Variants in PON2 observed in about 807,000 individuals in gnomAD.
PON2 encodes serum paraoxonase/arylesterase 2.
PON2 carries 27 observed loss-of-function variants against 36.6 expected under a neutral mutation model. That is an observed-to-expected ratio of 0.74 (90% confidence interval 0.54 to 1.02). The LOEUF is 1.02. Ranked by LOEUF, PON2 falls within the 50% of genes least tolerant of loss-of-function variation. The pLI, the probability that PON2 is intolerant of heterozygous loss-of-function variation, is 0.00. For missense variants in PON2, 363 were observed against 421.1 expected (o/e 0.86, Z 1.21); for synonymous variants, 149 against 156.3 (o/e 0.95, Z 0.35).
In PON2 at chr7:95,416,240, A is replaced by G; in HGVS notation, c.201+2T>C. The G allele has an allele frequency of 6.2e-7, 1 of 1,611,908 alleles. No homozygotes were observed. Among genetic ancestry groups the G allele is most frequent in the Middle Eastern group, 1.7e-4 (1 of 6,058 alleles). On this transcript the variant is annotated splice_donor_variant, in intron 3 of 8. Coordinates refer to ENST00000222572, the MANE Select transcript of PON2 (RefSeq NM_000305.3). LOFTEE classifies it high-confidence loss of function. ...AATTTGGGGAAGGAAGAAGACACTC[A>G]CCACACTAAAAAAAGCCAGACCATT...
intron 3 of PON2, 122 bp from the exon 4 acceptor site, chr7:95,412,599 A>T: frequency 1.0e-6 from 1 of 954,512 alleles, no homozygotes; most frequent in Non-Finnish European, 1.6e-6. Flanking sequence ...AAGCCACAAA[A>T]ACTCAAAAAA....
chr7:95,406,079 A>T, intron 8 of PON2, 40 bp downstream of exon 8: 2 of 1,582,186 alleles, frequency 1.3e-6, no homozygotes, highest in African/African-American at 1.3e-5. Context: ...GTTCAAAAGG[A>T]CTTGAATAAT....
chr7:95,416,414 A>G (rs1789063481), intron 2 of PON2, 117 bp from the exon 3 acceptor site: 3 of 1,200,200 alleles, frequency 2.5e-6, no homozygotes, highest in Non-Finnish European at 3.6e-6. Flanking sequence ...GATGGTTCTG[A>G]TGTTTTTTCC....
chr7:95,418,140 G>A (rs1203788706), intron 2 of PON2: 1 of 152,158 alleles, frequency 6.6e-6, no homozygotes, highest in Non-Finnish European at 1.5e-5. Context: ...CTGCAGGAAG[G>A]TTTTATCATC....
intron 1 of PON2, among the ~76,000 whole-genome samples, chr7:95,431,585 A>C (rs964438080): frequency 2.0e-5 from 3 of 151,966 alleles, no homozygotes; most frequent in Admixed American, 6.6e-5. Flanking sequence ...ACACCTGGCT[A>C]ATTTTTGTAT....
chr7:95,422,543 G>A (rs577548787), intron 2 of PON2, among the ~76,000 whole-genome samples: 1 of 152,238 alleles, frequency 6.6e-6, no homozygotes, highest in South Asian at 2.1e-4. Context: ...CTAGTATTAA[G>A]TACAAAAAGC....
intron 1 of PON2, among the ~76,000 whole-genome samples, chr7:95,427,159 T>TA (rs1253764151): frequency 1.3e-5 from 2 of 152,208 alleles, no homozygotes; most frequent in African/African-American, 4.8e-5. Context: ...TCCTTTTTGA[T>TA]AAAAGAAAAT....
chr7:95,429,183 C>G (rs541791333), intron 1 of PON2, among the ~76,000 whole-genome samples: 52 of 150,836 alleles, frequency 3.4e-4, no homozygotes, highest in African/African-American at 1.1e-3. Context: ...TCCCTCCCCC[C>G]TCCCCCTACC....
Position 95,411,881 on chromosome 7 carries a change from A to G in PON2, c.368-102T>C, listed in dbSNP as rs574569125. Reference sequence around the variant, plus strand: ...CCACAGGCAAGGAAAGGTTGAATGTATAAGCTGTTAGACGACCTAACAGAT... The same window carrying G: ...CCACAGGCAAGGAAAGGTTGAATGTGTAAGCTGTTAGACGACCTAACAGAT... On this transcript the variant is annotated intron_variant, in intron 4 of 8. Coordinates refer to ENST00000222572, the MANE Select transcript of PON2 (RefSeq NM_000305.3). 21 of 1,267,470 alleles carry G rather than the reference A, an allele frequency of 1.7e-5. No individual in the cohort carries two copies. In the East Asian group the frequency reaches 4.2e-4, roughly 26 times the overall value. 78.5% of individuals were successfully genotyped at this position (1,267,470 alleles called of 1,614,324 possible). A position where few individuals can be genotyped will look rare whatever the true frequency, so the allele number is the denominator to read the frequency against.
chr7:95,411,550 A>C, intron 5 of PON2, 103 bp downstream of exon 5: 646 of 1,205,210 alleles, frequency 5.4e-4, no homozygotes, highest in Non-Finnish European at 6.9e-4. Flanking sequence ...CATATTAGCT[A>C]ATATATACAT....
chr7:95,405,509 A>C (rs9641164), intron 8 of PON2, 21 bp from the exon 9 acceptor site: 1 of 1,605,858 alleles, frequency 6.2e-7, no homozygotes, highest in Non-Finnish European at 8.5e-7. Context: ...GATACAAAGT[A>C]TGAATATAAG....
At chr7:95,431,858 TC>T (rs1457161086) in intron 1 of PON2, among the ~76,000 whole-genome samples, 1 of 151,818 alleles carries the variant, frequency 6.6e-6, no homozygotes, top group Non-Finnish European at 1.5e-5. Context: ...TATAATTATG[TC>T]CCAAATTCCA....
intron 7 of PON2, 112 bp from the exon 8 acceptor site, chr7:95,406,359 T>C: frequency 8.3e-7 from 1 of 1,200,300 alleles, no homozygotes; most frequent in Non-Finnish European, 1.2e-6. Context: ...TCGCCCTGCT[T>C]CCACCTTCTA....
intron 2 of PON2, among the ~76,000 whole-genome samples, chr7:95,422,623 A>G (rs1240920425): frequency 2.0e-5 from 3 of 152,256 alleles, no homozygotes; most frequent in Non-Finnish European, 1.5e-5. Flanking sequence ...GAGTATTCAT[A>G]AAAAGAAAAA....
At chr7:95,406,705 T>C (rs1809705342) in intron 7 of PON2, among the ~76,000 whole-genome samples, 1 of 152,210 alleles carries the variant, frequency 6.6e-6, no homozygotes, top group South Asian at 2.1e-4. Flanking sequence ...GTATTTTCAA[T>C]TGTGAAAATT....
At chr7:95,430,117 A>C (rs957829922) in intron 1 of PON2, among the ~76,000 whole-genome samples, 5 of 152,210 alleles carry the variant, frequency 3.3e-5, no homozygotes, top group African/African-American at 1.2e-4. Flanking sequence ...ATGAAGGCAT[A>C]AAAGTAAAAG....
intron 3 of PON2, among the ~76,000 whole-genome samples, chr7:95,413,370 A>G (rs1393076433): frequency 6.6e-6 from 1 of 152,088 alleles, no homozygotes; most frequent in African/African-American, 2.4e-5. Flanking sequence ...AATTACTAAG[A>G]ACTCTAGTAG....
chr7:95,435,028 T>G lies in PON2; in HGVS notation c.-77A>C. 9 of 1,402,206 alleles carry G rather than the reference T, an allele frequency of 6.4e-6. No individual in the cohort carries two copies. The highest frequency in any genetic ancestry group is 7.5e-6 in the Non-Finnish European group (8 of 1,066,016). 86.9% of individuals were successfully genotyped at this position (1,402,206 alleles called of 1,614,324 possible). On this transcript the variant is annotated 5_prime_UTR_variant, in exon 1 of 9. Transcript: ENST00000222572. ...GGGCGGTGCCATCTTCCCGGCTCGA[T>G]GGTGCCGGCCGCGCTCCGCCCCGTC...
In PON2 at chr7:95,406,264, T is replaced by C; in HGVS notation, c.778-17A>G. 1.2e-6 allele frequency: 2 copies of C among 1,606,650 alleles called. No homozygotes were observed. Among genetic ancestry groups the C allele is most frequent in the Non-Finnish European group, 1.7e-6 (2 of 1,173,556 alleles). On this transcript the variant is annotated splice_polypyrimidine_tract_variant and intron_variant, in intron 7 of 8. Transcript: ENST00000222572. ...CTCAAGTACCTTCCAAATGAGAAAT[T>C]GTCAAAATCTAAATGACATGAGAAA...
Sources: allele counts gnomAD v4.1 joint callset (sites outside exome capture counted in the v4.1 genomes callset), GRCh38; gene constraint gnomAD v4.1.1; transcripts MANE v1.5; gene names NCBI Gene and HGNC (gene_info 2026-07-23, HGNC 2026-07-21).